The following OPN1LW variants were observed in gnomAD, a reference collection of about 807,000 sequenced individuals.
The protein encoded by OPN1LW is opsin 1, long wave sensitive.
OPN1LW carries 4 observed loss-of-function variants against 18.1 expected under a neutral mutation model. The observed-to-expected ratio is 0.22, with a 90% CI of 0.11 to 0.51. The LOEUF (loss-of-function observed/expected upper bound fraction) is 0.51, where lower values mean the gene tolerates loss of function less well. Ranked by LOEUF, OPN1LW falls within the 20% of genes least tolerant of loss-of-function variation. The pLI, the probability that OPN1LW is intolerant of heterozygous loss-of-function variation, is 0.97. For synonymous variants in OPN1LW, 86 were observed against 101.2 expected (o/e 0.85, Z 0.90); for missense variants, 164 against 234.9 (o/e 0.70, Z 1.97).
At position 154,154,088 on chromosome X, in the gene OPN1LW, T is replaced by C. The variant is rs1188348854; in HGVS notation, c.579-486T>C. Among the ~76,000 whole-genome samples, 6 of 95,124 alleles carry C rather than the reference T, an allele frequency of 6.3e-5. No homozygotes were observed. The East Asian group carries it at 1.8e-3, about 28-fold the overall frequency. The allele number at this position is 95,124 out of a possible 115,157, so 82.6% of individuals were successfully genotyped here. On this transcript the variant is annotated intron_variant, in intron 3 of 5. Coordinates refer to ENST00000369951, the MANE Select transcript of OPN1LW (RefSeq NM_020061.6). ...CTCAAGTGATCCTCCTACCTCAGCCTCCTGAGGAGCTGGGCCTACAGATGC... is the reference window on the plus strand; with the variant it reads ...CTCAAGTGATCCTCCTACCTCAGCCCCCTGAGGAGCTGGGCCTACAGATGC...
At position 154,156,389 on chromosome X, in the gene OPN1LW, C is replaced by A; in HGVS notation, c.840C>A (p.Cys280Ter). The A allele has an allele frequency of 8.3e-7, 1 of 1,205,171 alleles. No homozygotes were observed. Among genetic ancestry groups the A allele is most frequent in the Non-Finnish European group, 1.1e-6 (1 of 890,513 alleles). The change falls in exon 5 of 6, where the codon TGC (cysteine) becomes TGA (stop). Residue 280 changes from cysteine (C) to a stop codon, truncating the protein, a stop_gained. Transcript: ENST00000369951. LOFTEE classifies it high-confidence loss of function. Reference protein sequence around the residue: ...VVVMIFAYCVCWGPYTFFACF... With the variant: ...VVVMIFAYCV ...TGATGATCTTTGCGTACTGCGTCTG[C>A]TGGGGACCCTACACCTTCTTCGCAT...
At chrX:154,156,164 C>T (rs1451700113) in intron 4 of OPN1LW, 130 bp from the exon 5 acceptor site, 77 of 798,741 alleles carry the variant, frequency 9.6e-5, no homozygotes, top group Middle Eastern at 4.3e-4. Context: ...TGCCTGGGGC[C>T]GGCTGTGCTC....
intron 1 of OPN1LW, among the ~76,000 whole-genome samples, chrX:154,148,928 G>A (rs1373028821): frequency 9.5e-6 from 1 of 105,263 alleles, no homozygotes; most frequent in Non-Finnish European, 1.9e-5. Flanking sequence ...GGCTGTGGCC[G>A]GGCGCAGTGG....
chrX:154,154,263 C>T lies in OPN1LW; in HGVS notation c.579-311C>T, dbSNP rs1201600120. Among the ~76,000 whole-genome samples, 31 of 100,719 alleles carry T rather than the reference C, an allele frequency of 3.1e-4. 1 individual carries two copies. The highest frequency in any genetic ancestry group is 5.5e-4 in the Non-Finnish European group (27 of 48,882). The allele number at this position is 100,719 out of a possible 115,157, so 87.5% of individuals were successfully genotyped here. A position where few individuals can be genotyped will look rare whatever the true frequency, so the allele number is the denominator to read the frequency against. ...ATAGGCGTGAGCCATTGTGCCTGGC[C>T]TATAATGGTACATTTTATGTTATGT... On this transcript the variant is annotated intron_variant, in intron 3 of 5. Transcript: ENST00000369951.
chrX:154,150,789 G>A lies in OPN1LW; in HGVS notation c.246G>A (p.Lys82=), dbSNP rs781905511. The A allele has an allele frequency of 7.5e-5, 90 of 1,200,048 alleles. 1 individual carries two copies. In the South Asian group the frequency reaches 1.3e-3, roughly 18 times the overall value. Residue 82 remains lysine (K), a synonymous_variant, in exon 2 of 6, where the codon AAG becomes AAA. Transcript: ENST00000369951. ...TGCTGGCGGCCACCATGAAGTTCAA[G>A]AAGCTGCGCCACCCGCTGAACTGGA... The part of the protein sequence containing the change: ...GLVLAATMKF[K]KLRHPLNWIL...
rs781936473 is a variant in OPN1LW, at chrX:154,154,692, G to A, written c.697G>A (p.Ala233Thr). The change falls in exon 4 of 6, where the codon GCT becomes ACT. Residue 233 changes from alanine (A) to threonine (T), a missense_variant. Ala to Thr is a moderately conservative substitution (Grantham distance 58, BLOSUM62 0). Transcript: ENST00000369951. Reference protein sequence around the residue: ...LMVTCCIIPLAIIMLCYLQVW... With the variant: ...LMVTCCIIPLTIIMLCYLQVW... Reference sequence around the variant, plus strand: ...GGTCACCTGCTGCATCATCCCACTCGCTATCATCATGCTCTGCTACCTCCA... The same window carrying A: ...GGTCACCTGCTGCATCATCCCACTCACTATCATCATGCTCTGCTACCTCCA... 4.6e-5 allele frequency: 55 copies of A among 1,190,550 alleles called. No homozygotes were observed. In the East Asian group the frequency reaches 6.0e-4, roughly 13 times the overall value.
intron 3 of OPN1LW, among the ~76,000 whole-genome samples, chrX:154,154,253 T>TG (rs1449222501): frequency 5.9e-5 from 6 of 101,113 alleles, no homozygotes; most frequent in Non-Finnish European, 1.2e-4. Context: ...CGTGAGCCAT[T>TG]GTGCCTGGCC....
At chrX:154,154,138 T>G (rs1473809247) in intron 3 of OPN1LW, among the ~76,000 whole-genome samples, 1 of 95,372 alleles carries the variant, frequency 1.0e-5, no homozygotes, top group Non-Finnish European at 2.0e-5. Flanking sequence ...CTAATTTTTT[T>G]TATTTTTTGT....
rs376112729 is a variant in OPN1LW, at chrX:154,150,832, G to A, written c.289G>A (p.Val97Ile). 16 of 1,197,760 alleles carry A rather than the reference G, an allele frequency of 1.3e-5. No homozygotes were observed. In the African/African-American group the frequency reaches 2.6e-4, roughly 19 times the overall value. The change falls in exon 2 of 6, where the codon GTC becomes ATC. Residue 97 changes from valine (V) to isoleucine (I), a missense_variant. Physicochemically the swap from Val to Ile is conservative, Grantham distance 29 (BLOSUM62 3). This residue lies in a region of OPN1LW where 106 missense variants were observed against 167.7 expected (regional missense o/e 0.63). Transcript: ENST00000369951. ...GAACTGGATCCTGGTGAACCTGGCGGTCGCTGACCTAGCAGAGACCGTCAT... is the reference window on the plus strand; with the variant it reads ...GAACTGGATCCTGGTGAACCTGGCGATCGCTGACCTAGCAGAGACCGTCAT... ...PLNWILVNLAVADLAETVIAS... is the reference protein window; with the variant it reads ...PLNWILVNLAIADLAETVIAS...
At chrX:154,154,801 A>G in intron 4 of OPN1LW, 62 bp downstream of exon 4, 4 of 949,455 alleles carry the variant, frequency 4.2e-6, no homozygotes, top group Non-Finnish European at 5.9e-6. Flanking sequence ...TCTGCCCTCA[A>G]ATGAGTCCAC....
At chrX:154,144,591 C>G (rs1362220535) in intron 1 of OPN1LW, among the ~76,000 whole-genome samples, 196 bp downstream of exon 1, 3 of 18,476 alleles carry the variant, frequency 1.6e-4, no homozygotes, top group African/African-American at 7.3e-4. Flanking sequence ...TATGCATTCT[C>G]AAGCCACACA....
At chrX:154,148,689 C>T (rs1214600784) in intron 1 of OPN1LW, among the ~76,000 whole-genome samples, 3 of 105,214 alleles carry the variant, frequency 2.9e-5, no homozygotes, top group Admixed American at 9.7e-5. Flanking sequence ...ACCCTATCTC[C>T]GAAAACGGTC....
Position 154,144,265 on chromosome X carries a change from G to T in OPN1LW, c.-19G>T. ...TGCGCCAGGGCCGGCTGCCGTCGGG[G>T]ACAGGGCTTTCCATAGCCATGGCCC... On this transcript the variant is annotated 5_prime_UTR_variant, in exon 1 of 6. Transcript: ENST00000369951. 2.5e-6 allele frequency: 3 copies of T among 1,209,302 alleles called. No homozygotes were observed. The highest frequency in any genetic ancestry group is 2.2e-6 in the Non-Finnish European group (2 of 894,980).
chrX:154,156,464 C>A lies in OPN1LW; in HGVS notation c.915C>A (p.Ala305=). The A allele has an allele frequency of 8.3e-7, 1 of 1,204,815 alleles. No homozygotes were observed. ...ACGCCTTCCACCCTTTGATGGCTGCCCTGCCGGCCTACTTTGCCAAAAGTG... is the reference window on the plus strand; with the variant it reads ...ACGCCTTCCACCCTTTGATGGCTGCACTGCCGGCCTACTTTGCCAAAAGTG... The part of the protein sequence containing the change: ...PGYAFHPLMA[A]LPAYFAKSAT... Residue 305 remains alanine, a synonymous_variant, in exon 5 of 6, where the codon GCC becomes GCA. Coordinates refer to ENST00000369951, the MANE Select transcript of OPN1LW (RefSeq NM_020061.6).
chrX:154,156,413 A>G lies in OPN1LW; in HGVS notation c.864A>G (p.Ala288=). ...GCTGGGGACCCTACACCTTCTTCGCATGCTTTGCTGCTGCCAACCCTGGTT... is the reference window on the plus strand; with the variant it reads ...GCTGGGGACCCTACACCTTCTTCGCGTGCTTTGCTGCTGCCAACCCTGGTT... ...CVCWGPYTFF[A]CFAAANPGYA... Residue 288 remains alanine (A), a synonymous_variant, in exon 5 of 6, where the codon GCA becomes GCG. Coordinates refer to ENST00000369951, the MANE Select transcript of OPN1LW (RefSeq NM_020061.6). The G allele has an allele frequency of 1.7e-6, 2 of 1,204,964 alleles. No individual in the cohort carries two copies. The highest frequency in any genetic ancestry group is 1.7e-5 in the African/African-American group (1 of 57,595).
intron 1 of OPN1LW, among the ~76,000 whole-genome samples, chrX:154,149,355 C>G (rs1302346452): frequency 9.8e-6 from 1 of 102,282 alleles, no homozygotes; most frequent in Non-Finnish European, 1.9e-5. Context: ...TGGTGAAACC[C>G]CATGTCTACT....
intron 1 of OPN1LW, among the ~76,000 whole-genome samples, chrX:154,148,342 C>T (rs1438009083): frequency 9.7e-6 from 1 of 103,264 alleles, no homozygotes; most frequent in Non-Finnish European, 1.9e-5. Flanking sequence ...CTCAGCTCAC[C>T]GCAACCTCTG....
Position 154,154,020 on chromosome X carries a change from G to A in OPN1LW, c.579-554G>A, listed in dbSNP as rs1317967112. Among the ~76,000 whole-genome samples, 5 of 89,411 alleles carry A rather than the reference G, an allele frequency of 5.6e-5. 1 individual carries two copies. The Admixed American group carries it at 5.8e-4, about 10-fold the overall frequency. The allele number at this position is 89,411 out of a possible 115,157, so 77.6% of individuals were successfully genotyped here. On this transcript the variant is annotated intron_variant, in intron 3 of 5. Transcript: ENST00000369951. ...ACTCTGTCACTCAGGCTGGCACAGT[G>A]CAGTGGTGTAATTATGGCTCACTGC...
chrX:154,150,578 G>T, intron 1 of OPN1LW, 78 bp from the exon 2 acceptor site: 2 of 1,077,647 alleles, frequency 1.9e-6, no homozygotes, highest in Non-Finnish European at 2.5e-6. Context: ...AGGGGGAGGG[G>T]AGAGGTGGGA....
Sources: allele counts gnomAD v4.1 joint callset (sites outside exome capture counted in the v4.1 genomes callset), GRCh38; gene constraint gnomAD v4.1.1; regional missense constraint gnomAD v4.1.1; transcripts MANE v1.5; gene names NCBI Gene and HGNC (gene_info 2026-07-23, HGNC 2026-07-21).